ATXN1: variants seen among roughly 807,000 people sequenced by gnomAD.
ATXN1 encodes the protein ataxin-1.
In ATXN1, 8 loss-of-function variants were observed where a neutral mutation model predicts 56.4. The observed-to-expected ratio is 0.14, with a 90% CI of 0.08 to 0.26. The LOEUF (loss-of-function observed/expected upper bound fraction) is 0.26, where lower values mean the gene tolerates loss of function less well. Ranked by LOEUF, ATXN1 falls within the 10% of genes least tolerant of loss-of-function variation. ATXN1 has a pLI of 1.00. For synonymous variants in ATXN1, 514 were observed against 494.6 expected (o/e 1.04, Z -0.52); for missense variants, 987 against 1,106.5 (o/e 0.89, Z 1.53).
In ATXN1 at chr6:16,381,168, T is replaced by A. The variant is rs557903160; in HGVS notation, c.-160-52698A>T. Among the ~76,000 whole-genome samples the A allele has an allele frequency of 1.8e-4, 28 of 152,234 alleles. No individual in the cohort carries two copies. The East Asian group carries it at 5.2e-3, about 28-fold the overall frequency. ...CTGGCGTGGTGGCGGGCGCCTATAA[T>A]TCCAGCTACTCGGGAGAATGAGGGA... On this transcript the variant is annotated intron_variant, in intron 6 of 7. Coordinates refer to ENST00000436367, the MANE Select transcript of ATXN1 (RefSeq NM_001128164.2).
At chr6:16,311,831 A>G (rs1760397770) in intron 7 of ATXN1, among the ~76,000 whole-genome samples, 2 of 152,216 alleles carry the variant, frequency 1.3e-5, no homozygotes, top group Admixed American at 1.3e-4. Flanking sequence ...TAAAACTCTC[A>G]GGTGTTAACA....
chr6:16,663,420 T>C (rs908247863), intron 2 of ATXN1, among the ~76,000 whole-genome samples: 2 of 152,210 alleles, frequency 1.3e-5, no homozygotes, highest in Admixed American at 1.3e-4. Flanking sequence ...ACAGTGACTA[T>C]TGTCCCTATA....
chr6:16,659,377 T>G (rs1391851794), intron 2 of ATXN1, among the ~76,000 whole-genome samples: 1 of 152,184 alleles, frequency 6.6e-6, no homozygotes, highest in East Asian at 1.9e-4. Flanking sequence ...ACCGGCTTGG[T>G]AAAAACAGAA....
intron 4 of ATXN1, among the ~76,000 whole-genome samples, chr6:16,557,326 CAAAAAAAAAAA>C: frequency 1.1e-5 from 1 of 87,754 alleles, no homozygotes; most frequent in African/African-American, 4.0e-5. Context: ...AACCCCATTT[CAAAAAAAAAAA>C]AAAAAAAAAC....
intron 6 of ATXN1, among the ~76,000 whole-genome samples, chr6:16,465,551 T>C (rs551057634): frequency 7.6e-4 from 115 of 152,256 alleles, no homozygotes; most frequent in Middle Eastern, 3.4e-3. Flanking sequence ...AGCCAGTTTT[T>C]TGGCCAAGAA....
chr6:16,324,576 A>G (rs936544269), intron 7 of ATXN1, among the ~76,000 whole-genome samples: 5 of 152,222 alleles, frequency 3.3e-5, no homozygotes, highest in Non-Finnish European at 7.3e-5. Flanking sequence ...TCAAGCTGGA[A>G]GGAGGCTCTG....
intron 3 of ATXN1, among the ~76,000 whole-genome samples, chr6:16,639,245 A>C (rs1264851105): frequency 6.6e-6 from 1 of 152,134 alleles, no homozygotes; most frequent in Admixed American, 6.5e-5. Context: ...TTCGCTCCTC[A>C]CAATAAATCT....
intron 6 of ATXN1, among the ~76,000 whole-genome samples, chr6:16,364,345 G>A (rs770495650): frequency 4.0e-5 from 6 of 151,448 alleles, no homozygotes; most frequent in South Asian, 2.1e-4. Context: ...TCGTTCTGTC[G>A]CCAGGCTGGA....
At chr6:16,316,612 G>C (rs1760514465) in intron 7 of ATXN1, among the ~76,000 whole-genome samples, 1 of 152,012 alleles carries the variant, frequency 6.6e-6, no homozygotes, top group Non-Finnish European at 1.5e-5. Context: ...CCAGGCGTGG[G>C]AGCAGGTGCC....
chr6:16,673,866 A>G (rs1290825581), intron 2 of ATXN1, among the ~76,000 whole-genome samples: 1 of 152,144 alleles, frequency 6.6e-6, no homozygotes, highest in Non-Finnish European at 1.5e-5. Flanking sequence ...ACTAGATGCC[A>G]GTATTGCTAC....
chr6:16,329,397 TACACACACACACAA>T (rs1237373529), intron 6 of ATXN1, among the ~76,000 whole-genome samples: 5 of 151,692 alleles, frequency 3.3e-5, no homozygotes, highest in Admixed American at 2.0e-4. Flanking sequence ...CTCTCCCTAA[TACACACACACACAA>T]ACACACACAC....
intron 2 of ATXN1, among the ~76,000 whole-genome samples, chr6:16,731,838 T>C (rs1016210430): frequency 6.6e-6 from 1 of 152,120 alleles, no homozygotes; most frequent in Non-Finnish European, 1.5e-5. Flanking sequence ...GTGTTCAATA[T>C]AGCAAATGTC....
At chr6:16,679,220 A>ACGG (rs1758750305) in intron 2 of ATXN1, among the ~76,000 whole-genome samples, 1 of 52,856 alleles carries the variant, frequency 1.9e-5, no homozygotes, top group African/African-American at 8.2e-5. Context: ...GGATGGGTGG[A>ACGG]AGGATGAATA....
chr6:16,607,340 C>T (rs1763029067), intron 3 of ATXN1, among the ~76,000 whole-genome samples: 1 of 152,196 alleles, frequency 6.6e-6, no homozygotes, highest in South Asian at 2.1e-4. Context: ...CAATTATGTG[C>T]ATCACAAAAT....
Position 16,447,269 on chromosome 6 carries a change from C to T in ATXN1, c.-161+38703G>A, listed in dbSNP as rs796543659. Among the ~76,000 whole-genome samples, 25 of 152,216 alleles carry T rather than the reference C, an allele frequency of 1.6e-4. 1 individual carries two copies. Among genetic ancestry groups the T allele is most frequent in the African/African-American group, 6.0e-4 (25 of 41,520 alleles). ...AGACAGGGTCTCGTTCTGTCACCCA[C>T]GTTAGAGTGCAGTGGCATGATCTCA... On this transcript the variant is annotated intron_variant, in intron 6 of 7. Transcript: ENST00000436367.
chr6:16,570,138 T>C (rs1039196627), intron 4 of ATXN1, among the ~76,000 whole-genome samples: 1 of 152,202 alleles, frequency 6.6e-6, no homozygotes. Flanking sequence ...TCTCAGGAAA[T>C]GTCCTTTACA....
intron 2 of ATXN1, among the ~76,000 whole-genome samples, chr6:16,702,449 C>A (rs1384418119): frequency 6.6e-6 from 1 of 152,090 alleles, no homozygotes; most frequent in Admixed American, 6.6e-5. Flanking sequence ...TCTAAAACAC[C>A]AAAAGCAATG....
chr6:16,407,114 T>C (rs9464904), intron 6 of ATXN1, among the ~76,000 whole-genome samples: 74,278 of 152,136 alleles, frequency 0.49, 18,817 homozygotes, highest in African/African-American at 0.57. Context: ...AGGAGACTAG[T>C]GATCATCCAT....
intron 6 of ATXN1, among the ~76,000 whole-genome samples, chr6:16,474,864 A>ACTCTCT (rs33939841): frequency 1.7e-4 from 25 of 149,048 alleles, no homozygotes; most frequent in African/African-American, 6.2e-4. Flanking sequence ...ACACACACAC[A>ACTCTCT]CTCTCTCTCT....
Sources: allele counts gnomAD v4.1 joint callset (sites outside exome capture counted in the v4.1 genomes callset), GRCh38; gene constraint gnomAD v4.1.1; transcripts MANE v1.5; gene names NCBI Gene and HGNC (gene_info 2026-07-23, HGNC 2026-07-21).